LSP1: variants seen among roughly 807,000 people sequenced by gnomAD.
LSP1 encodes lymphocyte-specific protein 1.
In LSP1, 32 loss-of-function variants were observed where a neutral mutation model predicts 49.3. The ratio of observed to expected loss-of-function variants is 0.65; its 90% CI spans 0.49 to 0.87. The LOEUF (loss-of-function observed/expected upper bound fraction) is 0.87, where lower values mean the gene tolerates loss of function less well. LSP1 is among the 40% of genes least tolerant of loss of function. LSP1 has a pLI of 0.00. For missense variants in LSP1, 428 were observed against 442.6 expected (o/e 0.97, Z 0.30); for synonymous variants, 179 against 178.8 (o/e 1.00, Z -0.01).
intron 1 of LSP1, chr11:1,866,604 C>CA: frequency 6.5e-7 from 1 of 1,550,192 alleles, no homozygotes; most frequent in Non-Finnish European, 8.7e-7. Context: ...CCTGGCCCCC[C>CA]ATAAGCCTCC....
intron 1 of LSP1, among the ~76,000 whole-genome samples, chr11:1,858,901 G>C (rs1473386808): frequency 6.6e-6 from 1 of 152,230 alleles, no homozygotes. Flanking sequence ...GCTGAGCAGG[G>C]GTGGCAGGAG....
chr11:1,887,308 A>C lies in LSP1; in HGVS notation c.924A>C (p.Thr308=). 1 of 1,603,764 alleles carries C rather than the reference A, an allele frequency of 6.2e-7. No individual in the cohort carries two copies. The highest frequency in any genetic ancestry group is 8.5e-7 in the Non-Finnish European group (1 of 1,173,738). ...EQKGGSKTSS[T]IKSTPSGKRY... is the part of the protein sequence containing the mutation. ...AGGGAGGCTCCAAGACCTCATCAAC[A>C]ATTAAGGTAGAGCCTAAATGTGGTT... Residue 308 remains threonine, a synonymous_variant, in exon 9 of 11, where the codon ACA becomes ACC. Coordinates refer to ENST00000311604, the MANE Select transcript of LSP1 (RefSeq NM_002339.3).
intron 1 of LSP1, among the ~76,000 whole-genome samples, chr11:1,855,230 G>C (rs1330696711): frequency 6.6e-6 from 1 of 152,218 alleles, no homozygotes; most frequent in East Asian, 1.9e-4. Context: ...GGAGTTTCCT[G>C]TCTAGGATGG....
chr11:1,885,239 A>G (rs569668622), intron 7 of LSP1, among the ~76,000 whole-genome samples: 1 of 151,960 alleles, frequency 6.6e-6, no homozygotes, highest in South Asian at 2.1e-4. Flanking sequence ...CATCTATCCA[A>G]TGAATGGCTC....
chr11:1,884,522 C>A lies in LSP1; in HGVS notation c.658C>A (p.Pro220Thr). 1 of 1,613,902 alleles carries A rather than the reference C, an allele frequency of 6.2e-7. No homozygotes were observed. Among genetic ancestry groups the A allele is most frequent in the Non-Finnish European group, 8.5e-7 (1 of 1,179,916 alleles). Residue 220 changes from proline to threonine, a missense_variant, in exon 7 of 11, where the codon CCA becomes ACA. By Grantham distance (38) the Pro-to-Thr change is conservative. Transcript: ENST00000311604. This position sits in a 1 kb window ranked among gnomAD's most constrained non-coding sequence, Gnocchi z 4.1. ...EKSNSVKKSQ[P>T]DLPISKIDQW... is the part of the protein sequence containing the mutation. ...CAGTAACAGTGTGAAGAAATCCCAGCCAGACTTGCCCATCTCCAAGATTGA... is the reference window on the plus strand; with the variant it reads ...CAGTAACAGTGTGAAGAAATCCCAGACAGACTTGCCCATCTCCAAGATTGA...
chr11:1,865,077 A>G (rs1565073329), intron 1 of LSP1: 2 of 406,662 alleles, frequency 4.9e-6, no homozygotes, highest in African/African-American at 4.3e-5. Context: ...AGCTGGGCAC[A>G]GGGGGGCAGG....
intron 4 of LSP1, 121 bp from the exon 5 acceptor site, chr11:1,883,811 C>T (rs1304668178): frequency 1.2e-5 from 12 of 1,017,604 alleles, no homozygotes; most frequent in African/African-American, 4.8e-5. Flanking sequence ...AACTGGAGCA[C>T]GTCAGGGCCA....
At chr11:1,856,059 C>T (rs573858990) in intron 1 of LSP1, among the ~76,000 whole-genome samples, 2 of 152,216 alleles carry the variant, frequency 1.3e-5, no homozygotes, top group East Asian at 1.9e-4. Context: ...CTTGGCCCAG[C>T]TGCCCGGGGG....
chr11:1,886,051 T>C (rs1052421591), intron 7 of LSP1, among the ~76,000 whole-genome samples: 1 of 151,488 alleles, frequency 6.6e-6, no homozygotes, highest in African/African-American at 2.4e-5. Context: ...CTGTATCCTA[T>C]CAATATTCCT....
chr11:1,888,734 GC>G (rs1848858857), intron 10 of LSP1: 1 of 166,860 alleles, frequency 6.0e-6, no homozygotes, highest in Non-Finnish European at 1.3e-5. Flanking sequence ...CAGAGATCTG[GC>G]CCCAAACCTT....
intron 9 of LSP1, 52 bp downstream of exon 9, chr11:1,887,366 CAA>C: frequency 6.3e-7 from 1 of 1,587,606 alleles, no homozygotes; most frequent in Non-Finnish European, 8.6e-7. Flanking sequence ...CAGGGGAGGG[CAA>C]AGAGGGACTG....
intron 10 of LSP1, 26 bp downstream of exon 10, chr11:1,887,602 G>A: frequency 6.4e-7 from 1 of 1,574,424 alleles, no homozygotes. Context: ...CTCACAGAAG[G>A]GGATGAGGTG....
At chr11:1,873,617 A>T (rs1848138990) in intron 1 of LSP1, among the ~76,000 whole-genome samples, 1 of 145,902 alleles carries the variant, frequency 6.9e-6, no homozygotes, top group African/African-American at 2.5e-5. Context: ...GAAGGGAAGG[A>T]GGGAAGGAGA....
intron 4 of LSP1, 103 bp downstream of exon 4, chr11:1,883,663 G>A: frequency 7.0e-7 from 1 of 1,429,076 alleles, no homozygotes; most frequent in South Asian, 1.4e-5. Flanking sequence ...CTAGCCCAGA[G>A]TGGGTCAGCA....
rs115814333 is a variant in LSP1 at position 1,868,317 on chromosome 11, C to T, written c.54-11770C>T. 2.6e-4 allele frequency among the ~76,000 whole-genome samples: 39 copies of T among 152,340 alleles called. 1 individual carries two copies. Among genetic ancestry groups the T allele is most frequent in the African/African-American group, 5.3e-4 (22 of 41,576 alleles). ...CGTTCTTATCAAGCATTGAGGTCCC[C>T]GGAGCCCCGTGCCCACCCTTAGCCA... On this transcript the variant is annotated intron_variant, in intron 1 of 10. Coordinates refer to ENST00000311604, the MANE Select transcript of LSP1 (RefSeq NM_002339.3).
At chr11:1,856,649 G>A (rs935956418) in intron 1 of LSP1, among the ~76,000 whole-genome samples, 1 of 152,252 alleles carries the variant, frequency 6.6e-6, no homozygotes, top group Non-Finnish European at 1.5e-5. Context: ...GAGACCCTCA[G>A]AGCTCCAGAT....
chr11:1,868,946 C>T, intron 1 of LSP1: 4 of 986,092 alleles, frequency 4.1e-6, no homozygotes, highest in Non-Finnish European at 4.8e-6. Flanking sequence ...GGGAGCATGG[C>T]CCCGGGGACT....
intron 1 of LSP1, among the ~76,000 whole-genome samples, chr11:1,855,299 G>A (rs938289150): frequency 3.3e-5 from 5 of 152,212 alleles, no homozygotes; most frequent in East Asian, 1.9e-4. Flanking sequence ...CCACACGGGA[G>A]TCCCCAGGAA....
At chr11:1,889,922 G>A (rs1280350509) in intron 10 of LSP1, 2 of 629,364 alleles carry the variant, frequency 3.2e-6, no homozygotes, top group East Asian at 2.7e-5. Flanking sequence ...CTGGGACCAG[G>A]GGCTGGGCCC....
Sources: allele counts gnomAD v4.1 joint callset (sites outside exome capture counted in the v4.1 genomes callset), GRCh38; gene constraint gnomAD v4.1.1; non-coding constraint Gnocchi (gnomAD v3.1); transcripts MANE v1.5; gene names NCBI Gene and HGNC (gene_info 2026-07-23, HGNC 2026-07-21).